CDH20: variants seen among roughly 807,000 people sequenced by gnomAD.
CDH20 encodes cadherin 20, also known as cadherin-20.
A neutral mutation model predicts 74.2 loss-of-function variants in CDH20; 29 were observed. The ratio of observed to expected loss-of-function variants is 0.39; its 90% confidence interval spans 0.29 to 0.53. CDH20 has a LOEUF of 0.53. CDH20 is among the 20% of genes least tolerant of loss of function. The pLI is 0.69. For missense variants in CDH20, 988 were observed against 1,048.3 expected (o/e 0.94, Z 0.79); for synonymous variants, 469 against 405.4 (o/e 1.16, Z -1.88).
intron 1 of CDH20, among the ~76,000 whole-genome samples, chr18:61,359,499 T>A (rs761503929): frequency 4.6e-5 from 7 of 152,174 alleles, no homozygotes; most frequent in Non-Finnish European, 8.8e-5. Context: ...ACCAATCTTC[T>A]AAGAATTCAC....
At chr18:61,428,643 T>G in intron 1 of CDH20, among the ~76,000 whole-genome samples, 1 of 152,208 alleles carries the variant, frequency 6.6e-6, no homozygotes, top group East Asian at 1.9e-4. Flanking sequence ...CCTGCCTCAT[T>G]TCCTTTGTAT....
intron 1 of CDH20, chr18:61,334,256 C>CG (rs1354533051): frequency 6.6e-6 from 1 of 152,106 alleles, no homozygotes; most frequent in Non-Finnish European, 1.5e-5. Context: ...ACAGGGTGGC[C>CG]GCGTCCCTCG....
intron 1 of CDH20, among the ~76,000 whole-genome samples, chr18:61,388,646 T>G (rs59129028): frequency 0.06 from 9,194 of 152,270 alleles, 409 homozygotes; most frequent in South Asian, 0.15. Flanking sequence ...CTTAGCTAAC[T>G]CAGGTGTGGA....
intron 9 of CDH20, among the ~76,000 whole-genome samples, chr18:61,540,823 G>C (rs563977943): frequency 6.6e-6 from 1 of 152,134 alleles, no homozygotes; most frequent in African/African-American, 2.4e-5. Flanking sequence ...AGATGGACTC[G>C]ACGACACATC....
intron 1 of CDH20, among the ~76,000 whole-genome samples, chr18:61,400,308 C>A (rs1319882595): frequency 6.6e-6 from 1 of 152,184 alleles, no homozygotes; most frequent in East Asian, 1.9e-4. Context: ...CTTGTCTAGA[C>A]TGTCAGGTCT....
chr18:61,358,845 T>G (rs1910587571), intron 1 of CDH20, among the ~76,000 whole-genome samples: 1 of 152,216 alleles, frequency 6.6e-6, no homozygotes, highest in African/African-American at 2.4e-5. Flanking sequence ...TCAAGTTGTT[T>G]GATATATTCA....
chr18:61,388,098 GA>G (rs1210298850), intron 1 of CDH20, among the ~76,000 whole-genome samples: 2 of 152,184 alleles, frequency 1.3e-5, no homozygotes, highest in African/African-American at 4.8e-5. Context: ...AGTTCCAGGG[GA>G]GTTCACAGGG....
chr18:61,409,343 AC>A (rs1191296115), intron 1 of CDH20, among the ~76,000 whole-genome samples: 1 of 152,038 alleles, frequency 6.6e-6, no homozygotes, highest in African/African-American at 2.4e-5. Flanking sequence ...GGGGACAGGC[AC>A]CTGTTTCTGT....
intron 2 of CDH20, among the ~76,000 whole-genome samples, chr18:61,493,946 G>A (rs915046659): frequency 7.2e-5 from 11 of 152,186 alleles, no homozygotes; most frequent in African/African-American, 1.4e-4. Context: ...CTGAGTACTT[G>A]GCACAGAACT....
chr18:61,429,365 C>T (rs1355032430), intron 1 of CDH20, among the ~76,000 whole-genome samples: 1 of 152,108 alleles, frequency 6.6e-6, no homozygotes, highest in Non-Finnish European at 1.5e-5. Context: ...GTTGCATTTC[C>T]TCTCACAGTT....
rs184688136 is a variant in CDH20 at position 61,354,624 on chromosome 18, A to T, written c.-153+20797A>T. On this transcript the variant is annotated intron_variant, in intron 1 of 11. Transcript: ENST00000262717. ...ACTTCATCTCAAAATAAATAAATAA[A>T]TAAAACCCCTAGGTTTTTTTTCAAA... Among the ~76,000 whole-genome samples, 245 of 147,082 alleles carry T rather than the reference A, an allele frequency of 1.7e-3. 2 individuals are homozygous for T. Among genetic ancestry groups the T allele is most frequent in the Non-Finnish European group, 1.7e-3 (115 of 66,402 alleles).
intron 1 of CDH20, among the ~76,000 whole-genome samples, chr18:61,389,595 G>T (rs1599052840): frequency 2.6e-5 from 4 of 152,254 alleles, no homozygotes; most frequent in African/African-American, 9.6e-5. Context: ...ATAAAATTCA[G>T]TTTCCAACAA....
At position 61,353,104 on chromosome 18, in the gene CDH20, A is replaced by G. The variant is rs1910364783; in HGVS notation, c.-153+19277A>G. Among the ~76,000 whole-genome samples, 1 of 152,142 alleles carries G rather than the reference A, an allele frequency of 6.6e-6. No individual in the cohort carries two copies. Among genetic ancestry groups the G allele is most frequent in the African/African-American group, 2.4e-5 (1 of 41,456 alleles). The stretch of plus-strand genomic sequence containing the variant: ...GGCTACCCTGGTCACCTCCCCTGCA[A>G]TCACCTCCATGATGTGTGCCCCAAC... On this transcript the variant is annotated intron_variant, in intron 1 of 11. Transcript: ENST00000262717. The surrounding 1 kb of genome is among the most constrained non-coding windows in gnomAD (Gnocchi z 4.6).
At chr18:61,515,044 G>A (rs1911939092) in intron 6 of CDH20, among the ~76,000 whole-genome samples, 1 of 152,070 alleles carries the variant, frequency 6.6e-6, no homozygotes, top group Non-Finnish European at 1.5e-5. Flanking sequence ...CGAGCTTCCT[G>A]GCTGCTTTGT....
intron 1 of CDH20, among the ~76,000 whole-genome samples, chr18:61,378,995 A>G (rs768005199): frequency 4.6e-5 from 7 of 152,284 alleles, no homozygotes; most frequent in Admixed American, 1.3e-4. Flanking sequence ...TAGTTTTCGT[A>G]TAGTATTAAA....
At chr18:61,368,017 G>A (rs1910914277) in intron 1 of CDH20, among the ~76,000 whole-genome samples, 1 of 152,090 alleles carries the variant, frequency 6.6e-6, no homozygotes, top group Non-Finnish European at 1.5e-5. Flanking sequence ...CTGATCACCT[G>A]TGCCAAGAAC....
intron 11 of CDH20, among the ~76,000 whole-genome samples, chr18:61,550,539 G>C (rs994413774): frequency 2.0e-5 from 3 of 152,204 alleles, no homozygotes; most frequent in African/African-American, 7.2e-5. Flanking sequence ...GAACAAAGCA[G>C]GTTCATTTTG....
chr18:61,495,334 T>C, intron 2 of CDH20, among the ~76,000 whole-genome samples: 1 of 152,230 alleles, frequency 6.6e-6, no homozygotes, highest in East Asian at 1.9e-4. Context: ...TAAAGCGGAA[T>C]ATTAAATGTG....
At position 61,484,590 on chromosome 18, in the gene CDH20, G is replaced by T. The variant is rs182197254; in HGVS notation, c.-152-5812G>T. Among the ~76,000 whole-genome samples, 4 of 152,222 alleles carry T rather than the reference G, an allele frequency of 2.6e-5. No individual in the cohort carries two copies. In the East Asian group the frequency reaches 7.7e-4, roughly 29 times the overall value. ...CTAAAGTGAAAATGCCTTTATTTAT[G>T]ACCCAAGCTAGGGAATTCATAGCTA... On this transcript the variant is annotated intron_variant, in intron 1 of 11. Transcript: ENST00000262717.
Sources: gnomAD v4.1 joint callset for allele counts (sites outside exome capture counted in the v4.1 genomes callset) on GRCh38, gnomAD v4.1.1 for gene constraint, Gnocchi (gnomAD v3.1) non-coding constraint, MANE v1.5 for transcripts, NCBI Gene and HGNC (gene_info 2026-07-23, HGNC 2026-07-21) for gene names.